Variants in ARHGEF2 observed in about 807,000 individuals in gnomAD.
ARHGEF2 encodes the protein Rho/Rac guanine nucleotide exchange factor 2.
A neutral mutation model predicts 121.0 loss-of-function variants in ARHGEF2; 22 were observed. The ratio of observed to expected loss-of-function variants is 0.18; its 90% CI spans 0.13 to 0.26. The LOEUF (loss-of-function observed/expected upper bound fraction) is 0.26. ARHGEF2 is among the 10% of genes least tolerant of loss of function. ARHGEF2 has a pLI of 1.00. For synonymous variants in ARHGEF2, 487 were observed against 530.0 expected (o/e 0.92, Z 1.11); for missense variants, 907 against 1,336.0 (o/e 0.68, Z 5.01).
chr1:155,952,404 C>T (rs12081057), intron 15 of ARHGEF2, among the ~76,000 whole-genome samples, 169 bp from the exon 16 acceptor site: 16,069 of 152,278 alleles, frequency 0.11, 903 homozygotes, highest in Middle Eastern at 0.14. Context: ...TAAATGCCTA[C>T]GAGGCAGCAG....
Position 155,965,381 on chromosome 1 carries a change from GCAGCCC to G in ARHGEF2, c.496_501del (p.Gly166_Leu167del). 1 of 1,614,142 alleles carries G rather than the reference GCAGCCC, an allele frequency of 6.2e-7. No individual in the cohort carries two copies. Among genetic ancestry groups the G allele is most frequent in the Non-Finnish European group, 8.5e-7 (1 of 1,179,994 alleles). On this transcript the variant is annotated inframe_deletion, in exon 6 of 22. Coordinates refer to ENST00000361247, the MANE Select transcript of ARHGEF2 (RefSeq NM_001162383.2). This position sits in a 1 kb window ranked among gnomAD's most constrained non-coding sequence, Gnocchi z 6.0. ...TCTGTGGACTGTGAGAGGATCCGGC[GCAGCCC>G]CAGGGGAGACTCATCATTGAAATGT...
chr1:155,955,110 A>T, intron 13 of ARHGEF2, 141 bp from the exon 14 acceptor site: 2 of 635,882 alleles, frequency 3.1e-6, no homozygotes, highest in South Asian at 4.4e-5. Context: ...GCTTTAATTT[A>T]GTCCTGACCT....
Position 155,962,868 on chromosome 1 carries a change from A to G in ARHGEF2, c.975+65T>C. ...CTCCAACCCCTAGAATTTGGACCCAAGAAATGCCCAACCCAGTCACACCTC... is the reference window on the plus strand; with the variant it reads ...CTCCAACCCCTAGAATTTGGACCCAGGAAATGCCCAACCCAGTCACACCTC... On this transcript the variant is annotated intron_variant, in intron 8 of 21. Transcript: ENST00000361247. This position sits in a 1 kb window ranked among gnomAD's most constrained non-coding sequence, Gnocchi z 5.8. 6.2e-7 allele frequency: 1 copy of G among 1,606,322 alleles called. No homozygotes were observed. The highest frequency in any genetic ancestry group is 8.5e-7 in the Non-Finnish European group (1 of 1,174,860).
intron 1 of ARHGEF2, among the ~76,000 whole-genome samples, chr1:155,973,038 A>T (rs748346870): frequency 7.2e-5 from 11 of 151,912 alleles, no homozygotes; most frequent in Non-Finnish European, 1.5e-4. Flanking sequence ...CACAAATCCC[A>T]TGGGAAGTTC....
At chr1:155,956,887 C>A (rs976012874) in intron 13 of ARHGEF2, among the ~76,000 whole-genome samples, 34 of 80,378 alleles carry the variant, frequency 4.2e-4, no homozygotes, top group Admixed American at 1.1e-3. Context: ...ACTCTGTCTC[C>A]AAAAAAAAAA....
chr1:155,977,278 C>T (rs1227048524), intron 1 of ARHGEF2, among the ~76,000 whole-genome samples: 1 of 152,134 alleles, frequency 6.6e-6, no homozygotes, highest in African/African-American at 2.4e-5. Flanking sequence ...CACCACCTTC[C>T]TTTCAGCTCT....
intron 3 of ARHGEF2, 137 bp downstream of exon 3, chr1:155,966,683 G>A: frequency 8.9e-7 from 1 of 1,127,318 alleles, no homozygotes; most frequent in Non-Finnish European, 1.3e-6. Context: ...CGAGGCCTGG[G>A]GTTGAGGGTC....
At position 155,950,929 on chromosome 1, in the gene ARHGEF2, G is replaced by A. The variant is rs1675308977; in HGVS notation, c.2603C>T (p.Pro868Leu). Residue 868 changes from proline to leucine, a missense_variant, in exon 20 of 22, where the codon CCA (proline) becomes CTA (leucine). Physicochemically the swap from Pro to Leu is moderately conservative, Grantham distance 98. Coordinates refer to ENST00000361247, the MANE Select transcript of ARHGEF2 (RefSeq NM_001162383.2). This position sits in a 1 kb window ranked among gnomAD's most constrained non-coding sequence, Gnocchi z 5.2. ...GGCCCAGGGGGCCTCAGCTGGGAGTGGCTCGGTCTGGCCCAGGGCGGCCAG... is the reference window on the plus strand; with the variant it reads ...GGCCCAGGGGGCCTCAGCTGGGAGTAGCTCGGTCTGGCCCAGGGCGGCCAG... The part of the protein sequence containing the change: ...RQLAALGQTE[P>L]LPAEAPWARR... The A allele has an allele frequency of 1.9e-6, 3 of 1,605,604 alleles. No individual in the cohort carries two copies. In the East Asian group the frequency reaches 6.7e-5, roughly 36 times the overall value.
rs149517516 is a variant in ARHGEF2 at position 155,965,367 on chromosome 1, T to C, written c.516A>G (p.Ser172=). The C allele has an allele frequency of 1.0e-3, 1,686 of 1,614,098 alleles. 15 individuals carry two copies. In the African/African-American group the frequency reaches 0.02, roughly 19 times the overall value. ...ESPLGLRRIL[S]QSTDSLNMRN... ...GCATGTTGAGGGAGTCTGTGGACTG[T>C]GAGAGGATCCGGCGCAGCCCCAGGG... The change falls in exon 6 of 22, where the codon TCA becomes TCG. Residue 172 remains serine (S), a synonymous_variant. Transcript: ENST00000361247. The surrounding 1 kb of genome is among the most constrained non-coding windows in gnomAD (Gnocchi z 6.0).
chr1:155,979,381 C>T (rs1681911044), upstream of ARHGEF2: 1 of 962,000 alleles, frequency 1.0e-6, no homozygotes, highest in Non-Finnish European at 1.2e-6. Context: ...CCCAACCAGC[C>T]TCTCCCCAAG....
At position 155,956,785 on chromosome 1, in the gene ARHGEF2, G is replaced by A. The variant is rs577239914; in HGVS notation, c.1715+928C>T. On this transcript the variant is annotated intron_variant, in intron 13 of 21. Coordinates refer to ENST00000361247, the MANE Select transcript of ARHGEF2 (RefSeq NM_001162383.2). ...ATCCTGGCCAACATGGTAAAACCCC[G>A]TCTCTACTAAAAATACAAAAATTAG... 1.5e-4 allele frequency among the ~76,000 whole-genome samples: 21 copies of A among 144,250 alleles called. No individual in the cohort carries two copies. In the South Asian group the frequency reaches 3.1e-3, roughly 21 times the overall value. 94.6% of individuals were successfully genotyped at this position (144,250 alleles called of 152,430 possible). A position where few individuals can be genotyped will look rare whatever the true frequency, so the allele number is the denominator to read the frequency against.
At chr1:155,955,481 G>A (rs936504826) in intron 13 of ARHGEF2, among the ~76,000 whole-genome samples, 4 of 152,154 alleles carry the variant, frequency 2.6e-5, no homozygotes, top group South Asian at 2.1e-4. Context: ...TCCAAAGGTC[G>A]CTTGGAAAGG....
chr1:155,972,318 C>T (rs1314147818), intron 1 of ARHGEF2: 3 of 461,476 alleles, frequency 6.5e-6, no homozygotes, highest in East Asian at 1.4e-4. Context: ...AGCAGCAGCA[C>T]ATCCCAGCAT....
At chr1:155,959,839 G>C (rs1677522843) in intron 11 of ARHGEF2, among the ~76,000 whole-genome samples, 1 of 152,138 alleles carries the variant, frequency 6.6e-6, no homozygotes, top group Non-Finnish European at 1.5e-5. Context: ...ATGAGCCACC[G>C]TGCCCAGCCT....
chr1:155,956,450 G>A lies in ARHGEF2; in HGVS notation c.1715+1263C>T, dbSNP rs113052624. On this transcript the variant is annotated intron_variant, in intron 13 of 21. Coordinates refer to ENST00000361247, the MANE Select transcript of ARHGEF2 (RefSeq NM_001162383.2). ...TCTAAAAACCTTTTCAAAATTCCAT[G>A]GTGCAGAAGTTAAAAAAAAAAAAAG... 1.4e-3 allele frequency among the ~76,000 whole-genome samples: 219 copies of A among 151,096 alleles called. 2 individuals carry two copies. The highest frequency in any genetic ancestry group is 4.4e-3 in the African/African-American group (179 of 41,112).
Position 155,947,440 on chromosome 1 carries a change from T to C in ARHGEF2, c.*502A>G, listed in dbSNP as rs1340858350. On this transcript the variant is annotated 3_prime_UTR_variant, in exon 22 of 22. Coordinates refer to ENST00000361247, the MANE Select transcript of ARHGEF2 (RefSeq NM_001162383.2). ...GTTGAGGGGAGAGGAGAAAGGGACA[T>C]GGCCCTGCCCACAGCCCTCCTTTAT... 6.6e-6 allele frequency: 3 copies of C among 456,584 alleles called. No homozygotes were observed. In the Admixed American group the frequency reaches 7.1e-5, roughly 11 times the overall value. The allele number at this position is 456,584 out of a possible 1,614,324, so 28.3% of individuals were successfully genotyped here.
rs1401358084 is a variant in ARHGEF2, at chr1:155,971,645, T to C, written c.64-2345A>G. ...ACCTCACAGGACCTCAAACACCAAGTCCAAAAATCTCTTCCCACTGCCATA... is the reference window on the plus strand; with the variant it reads ...ACCTCACAGGACCTCAAACACCAAGCCCAAAAATCTCTTCCCACTGCCATA... On this transcript the variant is annotated intron_variant, in intron 1 of 21. Coordinates refer to ENST00000361247, the MANE Select transcript of ARHGEF2 (RefSeq NM_001162383.2). 2.0e-5 allele frequency among the ~76,000 whole-genome samples: 3 copies of C among 149,464 alleles called. No individual in the cohort carries two copies. In the East Asian group the frequency reaches 5.9e-4, roughly 29 times the overall value.
At position 155,957,801 on chromosome 1, in the gene ARHGEF2, C is replaced by T. The variant is rs774997193; in HGVS notation, c.1627G>A (p.Ala543Thr). The T allele has an allele frequency of 6.2e-7, 1 of 1,614,170 alleles. No individual in the cohort carries two copies. Among genetic ancestry groups the T allele is most frequent in the Non-Finnish European group, 8.5e-7 (1 of 1,180,030 alleles). Reference protein sequence around the residue: ...NQEKGMFLISAAPPEMYEVHT... With the variant: ...NQEKGMFLISTAPPEMYEVHT... ...ACCTCGTACATCTCAGGTGGGGCTG[C>T]GCTGATCAGAAACATCCCTTTCTCC... Residue 543 changes from alanine to threonine, a missense_variant, in exon 13 of 22, where the codon GCA becomes ACA. Coordinates refer to ENST00000361247, the MANE Select transcript of ARHGEF2 (RefSeq NM_001162383.2).
At position 155,951,627 on chromosome 1, in the gene ARHGEF2, C is replaced by T. The variant is rs1002767581; in HGVS notation, c.2209-94G>A. 16 of 1,605,940 alleles carry T rather than the reference C, an allele frequency of 1.0e-5. No individual in the cohort carries two copies. The highest frequency in any genetic ancestry group is 9.4e-5 in the African/African-American group (7 of 74,698). ...GGGTGGGTGTGGGGACAGTAGGATCCGGAGACATACTTGAATGTAGACGCT... is the reference window on the plus strand; with the variant it reads ...GGGTGGGTGTGGGGACAGTAGGATCTGGAGACATACTTGAATGTAGACGCT... On this transcript the variant is annotated intron_variant, in intron 18 of 21. Transcript: ENST00000361247. This position sits in a 1 kb window ranked among gnomAD's most constrained non-coding sequence, Gnocchi z 5.1.
Sources: gnomAD v4.1 joint callset for allele counts (sites outside exome capture counted in the v4.1 genomes callset) on GRCh38, gnomAD v4.1.1 for gene constraint, Gnocchi (gnomAD v3.1) non-coding constraint, MANE v1.5 for transcripts, NCBI Gene and HGNC (gene_info 2026-07-23, HGNC 2026-07-21) for gene names.